The following CACNB2 variants were observed in gnomAD, a reference collection of about 807,000 sequenced individuals.
CACNB2 encodes voltage-dependent L-type calcium channel subunit beta-2.
In CACNB2, 42 loss-of-function variants were observed where a neutral mutation model predicts 73.3. The observed-to-expected ratio is 0.57, with a 90% CI of 0.45 to 0.74. CACNB2 has a LOEUF of 0.74. Among genes scored for constraint, CACNB2 ranks in the 30% least tolerant of loss-of-function variants. CACNB2 has a pLI of 0.00. For missense variants in CACNB2, 940 were observed against 853.0 expected (o/e 1.10, Z -1.27); for synonymous variants, 348 against 310.3 (o/e 1.12, Z -1.28).
At chr10:18,469,189 A>C (rs2132735305) in intron 3 of CACNB2, among the ~76,000 whole-genome samples, 1 of 152,222 alleles carries the variant, frequency 6.6e-6, no homozygotes, top group African/African-American at 2.4e-5. Flanking sequence ...GCAGTGAGCT[A>C]TGAGTGCACC....
intron 3 of CACNB2, among the ~76,000 whole-genome samples, chr10:18,414,483 C>CTTTT (rs11384501): frequency 9.8e-5 from 13 of 132,192 alleles, no homozygotes; most frequent in East Asian, 2.0e-4. Flanking sequence ...TTACTACTAC[C>CTTTT]TTTTTTTTTT....
At chr10:18,255,255 T>G (rs1484134185) in intron 2 of CACNB2, among the ~76,000 whole-genome samples, 1 of 152,162 alleles carries the variant, frequency 6.6e-6, no homozygotes, top group Non-Finnish European at 1.5e-5. Context: ...TCTCTTACTT[T>G]ATTCTCCAAC....
At chr10:18,374,539 G>T (rs916796580) in intron 2 of CACNB2, among the ~76,000 whole-genome samples, 9 of 152,194 alleles carry the variant, frequency 5.9e-5, no homozygotes, top group Non-Finnish European at 8.8e-5. Context: ...ACCAGACTGG[G>T]CAGTATAGTG....
intron 3 of CACNB2, among the ~76,000 whole-genome samples, chr10:18,428,747 T>C (rs150759743): frequency 5.9e-5 from 9 of 152,126 alleles, no homozygotes; most frequent in African/African-American, 1.4e-4. Flanking sequence ...GTTTTTACCC[T>C]TTATTAGTTT....
intron 2 of CACNB2, among the ~76,000 whole-genome samples, chr10:18,390,423 A>C (rs2043417285): frequency 6.6e-6 from 1 of 152,220 alleles, no homozygotes; most frequent in Admixed American, 6.5e-5. Flanking sequence ...CATATTGGCC[A>C]GGCTGGTCTC....
intron 2 of CACNB2, among the ~76,000 whole-genome samples, chr10:18,195,820 T>G (rs2034600314): frequency 6.6e-6 from 1 of 152,246 alleles, no homozygotes; most frequent in Non-Finnish European, 1.5e-5. Context: ...AGCTGTCGCT[T>G]TCTGTGTAAT....
At chr10:18,152,992 A>C (rs556085773) in intron 2 of CACNB2, among the ~76,000 whole-genome samples, 1 of 152,298 alleles carries the variant, frequency 6.6e-6, no homozygotes, top group South Asian at 2.1e-4. Flanking sequence ...GAGTTTTAAT[A>C]ACCCAATTCA....
chr10:18,156,985 G>T (rs1264057051), intron 2 of CACNB2, among the ~76,000 whole-genome samples: 2 of 151,804 alleles, frequency 1.3e-5, no homozygotes, highest in Admixed American at 1.3e-4. Flanking sequence ...AGAGACTGCG[G>T]TGAGCCGAGA....
At chr10:18,394,005 A>G (rs534677759) in intron 2 of CACNB2, among the ~76,000 whole-genome samples, 2 of 152,242 alleles carry the variant, frequency 1.3e-5, no homozygotes, top group African/African-American at 4.8e-5. Context: ...CAGTGGCACA[A>G]TCTTTGGCTT....
intron 3 of CACNB2, among the ~76,000 whole-genome samples, chr10:18,463,026 G>A (rs1320044042): frequency 1.3e-5 from 2 of 152,168 alleles, no homozygotes; most frequent in Admixed American, 6.6e-5. Flanking sequence ...CAAAGTGTTA[G>A]GATTACAGGC....
chr10:18,465,604 A>G (rs901483903), intron 3 of CACNB2, among the ~76,000 whole-genome samples: 2 of 151,830 alleles, frequency 1.3e-5, no homozygotes, highest in Non-Finnish European at 2.9e-5. Flanking sequence ...CCCAGGATGC[A>G]TGCAAAAGGA....
intron 2 of CACNB2, among the ~76,000 whole-genome samples, chr10:18,289,129 A>AT (rs2131748812): frequency 6.6e-6 from 1 of 152,218 alleles, no homozygotes; most frequent in African/African-American, 2.4e-5. Context: ...CTGATTAAAA[A>AT]TTTCATATCT....
intron 2 of CACNB2, among the ~76,000 whole-genome samples, chr10:18,211,666 C>T (rs1564346553): frequency 6.6e-6 from 1 of 152,142 alleles, no homozygotes; most frequent in Non-Finnish European, 1.5e-5. Flanking sequence ...TTACAGGGTT[C>T]AGATTTATAT....
At chr10:18,275,595 C>G (rs561548696) in intron 2 of CACNB2, among the ~76,000 whole-genome samples, 3 of 151,844 alleles carry the variant, frequency 2.0e-5, no homozygotes, top group East Asian at 1.9e-4. Context: ...TGCACATGTA[C>G]CCCTGAACAT....
intron 3 of CACNB2, among the ~76,000 whole-genome samples, chr10:18,489,476 A>G (rs182832898): frequency 1.0e-4 from 15 of 150,038 alleles, no homozygotes; most frequent in South Asian, 6.3e-4. Context: ...GGATCTTGCA[A>G]TGTTGCCCAG....
intron 3 of CACNB2, among the ~76,000 whole-genome samples, chr10:18,428,263 G>A (rs1253407215): frequency 4.6e-5 from 7 of 151,946 alleles, no homozygotes; most frequent in East Asian, 1.9e-4. Flanking sequence ...TTAAAATGTA[G>A]CATTTACTCG....
At chr10:18,395,087 C>A (rs1353223738) in intron 2 of CACNB2, among the ~76,000 whole-genome samples, 1 of 152,032 alleles carries the variant, frequency 6.6e-6, no homozygotes, top group Non-Finnish European at 1.5e-5. Flanking sequence ...GAGTATATAT[C>A]ACATGCAGAG....
intron 3 of CACNB2, among the ~76,000 whole-genome samples, chr10:18,461,855 ATC>A (rs1564575545): frequency 6.8e-6 from 1 of 146,180 alleles, no homozygotes. Context: ...GTGGCTTCCA[ATC>A]TATCCTTTGG....
chr10:18,366,447 AGAGT>A (rs1413324806), intron 2 of CACNB2, among the ~76,000 whole-genome samples: 5 of 148,424 alleles, frequency 3.4e-5, no homozygotes, highest in African/African-American at 1.3e-4. Context: ...CCTGGGCGAC[AGAGT>A]GAGACTCCGT....
Sources: gnomAD v4.1 joint callset for allele counts (sites outside exome capture counted in the v4.1 genomes callset) on GRCh38, gnomAD v4.1.1 for gene constraint, MANE v1.5 for transcripts, NCBI Gene and HGNC (gene_info 2026-07-23, HGNC 2026-07-21) for gene names.